Variants in FAM163B observed in about 807,000 individuals in gnomAD.
FAM163B encodes the protein protein FAM163B.
FAM163B carries 4 observed loss-of-function variants against 7.6 expected under a neutral mutation model. That is an observed-to-expected ratio of 0.52 (90% CI 0.26 to 1.20). FAM163B has a LOEUF of 1.20. Among genes scored for constraint, FAM163B ranks in the 50% most tolerant of loss-of-function variants. The pLI, the probability that FAM163B is intolerant of heterozygous loss-of-function variation, is 0.14. For synonymous variants in FAM163B, 120 were observed against 111.6 expected (o/e 1.07, Z -0.47); for missense variants, 250 against 243.0 (o/e 1.03, Z -0.19).
intron 1 of FAM163B, among the ~76,000 whole-genome samples, chr9:133,580,473 C>T (rs963396385): frequency 2.6e-5 from 4 of 152,188 alleles, no homozygotes; most frequent in African/African-American, 7.2e-5. Flanking sequence ...CTTCCACATC[C>T]GTAGAAGGTG....
At chr9:133,592,083 C>A (rs1447005699) in intron 1 of FAM163B, among the ~76,000 whole-genome samples, 1 of 152,146 alleles carries the variant, frequency 6.6e-6, no homozygotes, top group Non-Finnish European at 1.5e-5. Context: ...GCTCCCTTGG[C>A]CAGCCTCCCC....
chr9:133,580,474 G>A (rs973827196), intron 1 of FAM163B, among the ~76,000 whole-genome samples: 19 of 152,306 alleles, frequency 1.2e-4, no homozygotes, highest in South Asian at 1.2e-3. Context: ...TTCCACATCC[G>A]TAGAAGGTGG....
intron 1 of FAM163B, among the ~76,000 whole-genome samples, chr9:133,605,036 G>A (rs1162068204): frequency 6.6e-6 from 1 of 152,258 alleles, no homozygotes; most frequent in African/African-American, 2.4e-5. Context: ...CAGGAGCCAA[G>A]GCTGCCCCAC....
At chr9:133,593,667 G>C (rs1360376878) in intron 1 of FAM163B, among the ~76,000 whole-genome samples, 2 of 152,252 alleles carry the variant, frequency 1.3e-5, no homozygotes, top group African/African-American at 4.8e-5. Flanking sequence ...ACAATCTCCA[G>C]CTTTCCTCCC....
chr9:133,584,894 C>T (rs981188458), intron 1 of FAM163B, among the ~76,000 whole-genome samples: 6 of 152,256 alleles, frequency 3.9e-5, no homozygotes, highest in Non-Finnish European at 7.3e-5. Flanking sequence ...TCCCTGAAGC[C>T]TCCGCACTGC....
chr9:133,581,982 C>T (rs1214644844), intron 1 of FAM163B, among the ~76,000 whole-genome samples: 3 of 152,324 alleles, frequency 2.0e-5, no homozygotes, highest in Middle Eastern at 3.4e-3. Flanking sequence ...CTTCTTTCCA[C>T]GTTTATGAGC....
At position 133,590,090 on chromosome 9, in the gene FAM163B, C is replaced by CG. The variant is rs1564193498; in HGVS notation, c.-23-9845_-23-9844insC. ...CCCCTTCCCTTCCCCTTCCCCTTCC[C>CG]TTCCCCTTCCCCTTCCCTTCCCCTC... On this transcript the variant is annotated intron_variant, in intron 1 of 2. Transcript: ENST00000673969. Among the ~76,000 whole-genome samples the CG allele has an allele frequency of 1.3e-3, 48 of 37,174 alleles. 1 individual carries two copies. Among genetic ancestry groups the CG allele is most frequent in the African/African-American group, 4.2e-3 (41 of 9,686 alleles). The allele number at this position is 37,174 out of a possible 152,430, so 24.4% of individuals were successfully genotyped here.
At chr9:133,599,659 CTG>C (rs1212673442) in intron 1 of FAM163B, among the ~76,000 whole-genome samples, 4 of 148,502 alleles carry the variant, frequency 2.7e-5, no homozygotes, top group Admixed American at 6.7e-5. Context: ...TTAGTTGTGT[CTG>C]TGTATATGTG....
In FAM163B at chr9:133,579,366, A is replaced by G. The variant is rs1831316559; in HGVS notation, c.157T>C (p.Ser53Pro). ...TTGGAGTGCAGCGGGGGCAGGTGCG[A>G]GTGAACGGCGAAGTCTGGTTCCTCC... ...DEEEPDFAVH[S>P]HLPPLHSNRN... The change falls in exon 3 of 3, where the codon TCG becomes CCG. Residue 53 changes from serine to proline, a missense_variant. Physicochemically the swap from Ser to Pro is moderately conservative, Grantham distance 74. Coordinates refer to ENST00000673969, the MANE Select transcript of FAM163B (RefSeq NM_001080515.3). 1.2e-6 allele frequency: 2 copies of G among 1,612,400 alleles called. No individual in the cohort carries two copies. The highest frequency in any genetic ancestry group is 2.7e-5 in the African/African-American group (2 of 74,918).
Position 133,577,212 on chromosome 9 carries a change from CAG to C in FAM163B, c.*1808_*1809del, listed in dbSNP as rs1371461262. On this transcript the variant is annotated 3_prime_UTR_variant, in exon 3 of 3. Coordinates refer to ENST00000673969, the MANE Select transcript of FAM163B (RefSeq NM_001080515.3). The stretch of plus-strand genomic sequence containing the variant: ...CGTTTCAAAGAGATCTACATATCTA[CAG>C]AGAGGATGGAGACCAGAAAGGAATT... Among the ~76,000 whole-genome samples the C allele has an allele frequency of 2.0e-5, 3 of 152,204 alleles. No homozygotes were observed. Among genetic ancestry groups the C allele is most frequent in the African/African-American group, 7.2e-5 (3 of 41,464 alleles).
At chr9:133,607,861 C>T (rs1831808732) in intron 1 of FAM163B, among the ~76,000 whole-genome samples, 1 of 152,180 alleles carries the variant, frequency 6.6e-6, no homozygotes, top group Non-Finnish European at 1.5e-5. Flanking sequence ...GTTTAGGAAG[C>T]TTGCAGTCAG....
intron 1 of FAM163B, among the ~76,000 whole-genome samples, chr9:133,590,041 C>T (rs1831514280): frequency 2.5e-5 from 1 of 39,996 alleles, no homozygotes; most frequent in Admixed American, 1.9e-4. Flanking sequence ...ACTTAAGTTC[C>T]CTTCCCTTCC....
At chr9:133,605,941 C>T (rs918246402) in intron 1 of FAM163B, among the ~76,000 whole-genome samples, 1 of 152,182 alleles carries the variant, frequency 6.6e-6, no homozygotes, top group Non-Finnish European at 1.5e-5. Context: ...CAAGTCATTC[C>T]CCATGGTGCA....
At position 133,578,178 on chromosome 9, in the gene FAM163B, C is replaced by CCCA. The variant is rs77142839; in HGVS notation, c.*843_*844insTGG. On this transcript the variant is annotated 3_prime_UTR_variant, in exon 3 of 3. Coordinates refer to ENST00000673969, the MANE Select transcript of FAM163B (RefSeq NM_001080515.3). Reference sequence around the variant, plus strand: ...TTTCAACCCCTGGGCCATGGCTCTGCCCCTGACGAGCCCCGGGCTGCCTCC... The same window carrying CCCA: ...TTTCAACCCCTGGGCCATGGCTCTGCCCACCCTGACGAGCCCCGGGCTGCCTCC... Among the ~76,000 whole-genome samples, 112,028 of 151,740 alleles carry CCCA rather than the reference C, an allele frequency of 0.74. 41,563 individuals are homozygous for CCCA. Among genetic ancestry groups the CCCA allele is most frequent in the Middle Eastern group, 0.87 (255 of 294 alleles).
intron 1 of FAM163B, among the ~76,000 whole-genome samples, chr9:133,588,443 C>T (rs1447338518): frequency 2.6e-5 from 4 of 151,390 alleles, no homozygotes; most frequent in Non-Finnish European, 5.9e-5. Context: ...GAAGTTGCCA[C>T]CTTTGGCTCC....
At position 133,609,316 on chromosome 9, in the gene FAM163B, T is replaced by G. The variant is rs1051594290; in HGVS notation, c.-263A>C. Reference sequence around the variant, plus strand: ...GCCAGCTCCGCGCTGCGGCCGCGACTCCGGACGCCCCGGCTGGCTCCCTGC... The same window carrying G: ...GCCAGCTCCGCGCTGCGGCCGCGACGCCGGACGCCCCGGCTGGCTCCCTGC... On this transcript the variant is annotated 5_prime_UTR_variant, in exon 1 of 3. Coordinates refer to ENST00000673969, the MANE Select transcript of FAM163B (RefSeq NM_001080515.3). Among the ~76,000 whole-genome samples the G allele has an allele frequency of 6.7e-6, 1 of 149,618 alleles. No individual in the cohort carries two copies. The highest frequency in any genetic ancestry group is 1.5e-5 in the Non-Finnish European group (1 of 67,090).
chr9:133,594,656 C>A (rs971215762), intron 1 of FAM163B, among the ~76,000 whole-genome samples: 1 of 152,130 alleles, frequency 6.6e-6, no homozygotes, highest in Non-Finnish European at 1.5e-5. Flanking sequence ...AGCTTTGGGT[C>A]CCTGCTTTTG....
intron 1 of FAM163B, among the ~76,000 whole-genome samples, chr9:133,587,127 C>T (rs1376334141): frequency 1.3e-5 from 2 of 152,222 alleles, no homozygotes; most frequent in Non-Finnish European, 2.9e-5. Context: ...ATCCTTGCTC[C>T]TCAAGGAGTC....
intron 1 of FAM163B, among the ~76,000 whole-genome samples, chr9:133,588,629 T>TTGAAGGATCTAGCATGG (rs1831483200): frequency 2.1e-5 from 1 of 47,872 alleles, no homozygotes; most frequent in African/African-American, 7.3e-5. Context: ...ATCTAGCATG[T>TTGAAGGATCTAGCATGG]TGAGGGATCT....
Sources: gnomAD v4.1 joint callset for allele counts (sites outside exome capture counted in the v4.1 genomes callset) on GRCh38, gnomAD v4.1.1 for gene constraint, MANE v1.5 for transcripts, NCBI Gene and HGNC (gene_info 2026-07-23, HGNC 2026-07-21) for gene names.